The following TRAF2 variants were observed in gnomAD, a reference collection of about 807,000 sequenced individuals.
TRAF2 encodes the protein TNF receptor associated factor 2.
In TRAF2, 6 loss-of-function variants were observed where a neutral mutation model predicts 55.6. The observed-to-expected ratio is 0.11, with a 90% confidence interval of 0.06 to 0.21. TRAF2 has a LOEUF of 0.21. Ranked by LOEUF, TRAF2 falls within the 10% of genes least tolerant of loss-of-function variation. TRAF2 has a pLI of 1.00. For synonymous variants in TRAF2, 329 were observed against 276.3 expected (o/e 1.19, Z -1.89); for missense variants, 561 against 684.5 (o/e 0.82, Z 2.01).
At chr9:136,915,945 G>A (rs907241310) in intron 6 of TRAF2, among the ~76,000 whole-genome samples, 1 of 152,108 alleles carries the variant, frequency 6.6e-6, no homozygotes, top group African/African-American at 2.4e-5. Context: ...TCAGAGCCGC[G>A]ACACACCTGC....
chr9:136,899,177 TTTA>T (rs957018847), intron 2 of TRAF2, among the ~76,000 whole-genome samples: 3 of 152,256 alleles, frequency 2.0e-5, no homozygotes, highest in East Asian at 1.9e-4. Flanking sequence ...ATTTTATCTT[TTTA>T]TTATTTTTAA....
intron 1 of TRAF2, among the ~76,000 whole-genome samples, chr9:136,897,548 G>T (rs961960940): frequency 1.3e-5 from 2 of 151,730 alleles, no homozygotes; most frequent in Non-Finnish European, 2.9e-5. Flanking sequence ...TAGCTAAAGG[G>T]AATGCACTAG....
chr9:136,912,743 G>A (rs1259739844), intron 6 of TRAF2, among the ~76,000 whole-genome samples: 1 of 60,822 alleles, frequency 1.6e-5, no homozygotes, highest in Non-Finnish European at 3.4e-5. Flanking sequence ...AGGCTGAGGT[G>A]CGAAAATTGC....
chr9:136,922,471 G>A (rs1227338729), intron 9 of TRAF2: 2 of 152,770 alleles, frequency 1.3e-5, no homozygotes, highest in Non-Finnish European at 2.9e-5. Flanking sequence ...CACGGAGGTG[G>A]TCTTCTTGGG....
chr9:136,895,369 C>G (rs1849658771), intron 1 of TRAF2, among the ~76,000 whole-genome samples: 1 of 152,162 alleles, frequency 6.6e-6, no homozygotes, highest in African/African-American at 2.4e-5. Context: ...CAACTTGGGC[C>G]TTGGAAGGAC....
chr9:136,898,067 T>G (rs1385485033), intron 1 of TRAF2, among the ~76,000 whole-genome samples: 1 of 146,780 alleles, frequency 6.8e-6, no homozygotes, highest in East Asian at 2.0e-4. Context: ...CTAAAGGGAG[T>G]GCACTAGCCA....
chr9:136,923,419 T>A (rs1471770590), intron 9 of TRAF2, among the ~76,000 whole-genome samples: 1 of 152,140 alleles, frequency 6.6e-6, no homozygotes, highest in East Asian at 1.9e-4. Context: ...GAGACCATCC[T>A]GGCCAACATG....
At chr9:136,891,104 G>GT (rs57947803) in intron 1 of TRAF2, among the ~76,000 whole-genome samples, 2 of 151,934 alleles carry the variant, frequency 1.3e-5, no homozygotes, top group Admixed American at 1.3e-4. Flanking sequence ...TTTTAGATTT[G>GT]TTTTTTTATG....
At chr9:136,908,622 T>C (rs1021047140) in intron 5 of TRAF2, among the ~76,000 whole-genome samples, 3 of 151,974 alleles carry the variant, frequency 2.0e-5, no homozygotes, top group Non-Finnish European at 4.4e-5. Context: ...ATCCCAGCAC[T>C]TTGGGAGGCC....
intron 4 of TRAF2, among the ~76,000 whole-genome samples, chr9:136,906,233 C>G (rs1849947090): frequency 6.6e-6 from 1 of 152,144 alleles, no homozygotes; most frequent in Non-Finnish European, 1.5e-5. Context: ...GACCTGTATT[C>G]TTACCCCTGC....
At chr9:136,905,116 C>T (rs1354475084) in intron 4 of TRAF2, among the ~76,000 whole-genome samples, 2 of 152,242 alleles carry the variant, frequency 1.3e-5, no homozygotes, top group African/African-American at 4.8e-5. Flanking sequence ...TAGCATTAAC[C>T]TTTCCTGAGT....
upstream of TRAF2, among the ~76,000 whole-genome samples, chr9:136,884,482 C>A (rs1052079358): frequency 1.3e-5 from 2 of 152,064 alleles, no homozygotes; most frequent in Non-Finnish European, 1.5e-5. Flanking sequence ...ATTTCTTGAA[C>A]CCGGGAGGCA....
chr9:136,900,394 T>C (rs967678527), intron 3 of TRAF2, 28 bp from the exon 4 acceptor site: 2 of 1,537,538 alleles, frequency 1.3e-6, no homozygotes, highest in African/African-American at 2.7e-5. Context: ...GGGAGGAGGT[T>C]TAACCCGAGG....
At chr9:136,906,009 G>A (rs1352417324) in intron 4 of TRAF2, among the ~76,000 whole-genome samples, 1 of 152,212 alleles carries the variant, frequency 6.6e-6, no homozygotes, top group Non-Finnish European at 1.5e-5. Context: ...GGAGGCTGAG[G>A]CAGAAGAATG....
intron 7 of TRAF2, 94 bp downstream of exon 7, chr9:136,916,709 G>A (rs1236579082): frequency 1.6e-6 from 2 of 1,258,098 alleles, no homozygotes; most frequent in Non-Finnish European, 2.3e-6. Context: ...CCTTCCAGCT[G>A]CTCCTCAGCC....
At position 136,926,016 on chromosome 9, in the gene TRAF2, CGCTTGGGA is replaced by C. The variant is rs1564424888; in HGVS notation, c.*117_*124del. The C allele has an allele frequency of 2.3e-6, 3 of 1,310,802 alleles. No individual in the cohort carries two copies. In the Admixed American group the frequency reaches 5.3e-5, roughly 23 times the overall value. 81.2% of individuals were successfully genotyped at this position (1,310,802 alleles called of 1,614,324 possible). ...CAAGTGGGCAGGGGCCGCGCTTGGG[CGCTTGGGA>C]GGGTGTCGGCCTGCAGCCAAGTTCA... On this transcript the variant is annotated 3_prime_UTR_variant, in exon 11 of 11. Coordinates refer to ENST00000247668, the MANE Select transcript of TRAF2 (RefSeq NM_021138.4).
chr9:136,921,103 C>A lies in TRAF2; in HGVS notation c.1026C>A (p.Val342=), dbSNP rs200115576. The A allele has an allele frequency of 6.8e-6, 11 of 1,613,944 alleles. No homozygotes were observed. Among genetic ancestry groups the A allele is most frequent in the Non-Finnish European group, 9.3e-6 (11 of 1,180,014 alleles). ...CGATGGCTGACTTGGAGCAGAAGGT[C>A]TTGGAGATGGAGGCATCCACCTACG... The part of the protein sequence containing the change: ...DLAMADLEQK[V]LEMEASTYDG... The change falls in exon 9 of 11, where the codon GTC becomes GTA. Residue 342 remains valine, a synonymous_variant. Coordinates refer to ENST00000247668, the MANE Select transcript of TRAF2 (RefSeq NM_021138.4).
intron 10 of TRAF2, among the ~76,000 whole-genome samples, chr9:136,924,656 C>T (rs1244822267): frequency 1.3e-5 from 2 of 152,132 alleles, no homozygotes; most frequent in African/African-American, 4.8e-5. Flanking sequence ...GCATCTGGAC[C>T]AGTAGTTTGA....
chr9:136,923,534 C>T (rs938115880), intron 9 of TRAF2, among the ~76,000 whole-genome samples: 1 of 147,158 alleles, frequency 6.8e-6, no homozygotes, highest in Admixed American at 6.9e-5. Flanking sequence ...TCGCTTGATC[C>T]CAGGAGGTGG....
Sources: allele counts gnomAD v4.1 joint callset (sites outside exome capture counted in the v4.1 genomes callset), GRCh38; gene constraint gnomAD v4.1.1; transcripts MANE v1.5; gene names NCBI Gene and HGNC (gene_info 2026-07-23, HGNC 2026-07-21).